The following ZNF106 variants were observed in gnomAD, a reference collection of about 807,000 sequenced individuals.
ZNF106 encodes the protein SH3-domain binding protein 3.
Under a neutral mutation model 195.1 loss-of-function variants are expected in ZNF106, and 67 were observed. The ratio of observed to expected loss-of-function variants is 0.34; its 90% CI spans 0.28 to 0.42. The LOEUF is 0.42. Among genes scored for constraint, ZNF106 ranks in the 10% least tolerant of loss-of-function variants. The pLI is 1.00. For missense variants in ZNF106, 2,118 were observed against 2,304.5 expected (o/e 0.92, Z 1.66); for synonymous variants, 784 against 818.6 (o/e 0.96, Z 0.72).
At chr15:42,426,932 C>A (rs1490178438) in intron 15 of ZNF106, among the ~76,000 whole-genome samples, 1 of 152,132 alleles carries the variant, frequency 6.6e-6, no homozygotes, top group Non-Finnish European at 1.5e-5. Context: ...TGATTATATA[C>A]GTGCTAAATT....
intron 15 of ZNF106, chr15:42,427,520 C>G (rs953753132): frequency 3.2e-5 from 5 of 154,306 alleles, no homozygotes; most frequent in African/African-American, 9.6e-5. Flanking sequence ...CCTCATGAAA[C>G]CCTAAACCAG....
intron 11 of ZNF106, 150 bp downstream of exon 11, chr15:42,438,883 G>C: frequency 1.0e-6 from 1 of 966,856 alleles, no homozygotes; most frequent in South Asian, 1.8e-5. Flanking sequence ...AATCTCTACT[G>C]CTGAGCTTTA....
intron 2 of ZNF106, among the ~76,000 whole-genome samples, chr15:42,467,945 G>A (rs1223465358): frequency 6.6e-6 from 1 of 152,042 alleles, no homozygotes; most frequent in Non-Finnish European, 1.5e-5. Flanking sequence ...CACACTGTAA[G>A]CATTTGGTGC....
intron 1 of ZNF106, among the ~76,000 whole-genome samples, chr15:42,484,534 G>C (rs1016327953): frequency 3.3e-5 from 5 of 152,232 alleles, no homozygotes; most frequent in Admixed American, 2.6e-4. Context: ...GGCTGAGGCA[G>C]TTCAAGACCA....
At position 42,417,957 on chromosome 15, in the gene ZNF106, G is replaced by A; in HGVS notation, c.5518-6C>T. ...ATCAGAGAGCAACCATGCCACTGGA[G>A]AGAAAGAAAATGAGGAGACTCGGTG... On this transcript the variant is annotated splice_polypyrimidine_tract_variant and splice_region_variant and intron_variant, in intron 20 of 21. Transcript: ENST00000564754. The A allele has an allele frequency of 1.2e-6, 2 of 1,610,570 alleles. No homozygotes were observed. The highest frequency in any genetic ancestry group is 1.7e-6 in the Non-Finnish European group (2 of 1,178,518).
chr15:42,421,316 T>C (rs1421101129), intron 19 of ZNF106, among the ~76,000 whole-genome samples, 184 bp from the exon 20 acceptor site: 1 of 152,218 alleles, frequency 6.6e-6, no homozygotes, highest in Non-Finnish European at 1.5e-5. Flanking sequence ...ATTTTGCAGC[T>C]GTGCTCCTTA....
chr15:42,459,914 A>C (rs1472979132), intron 3 of ZNF106, among the ~76,000 whole-genome samples: 1 of 151,320 alleles, frequency 6.6e-6, no homozygotes, highest in Non-Finnish European at 1.5e-5. Flanking sequence ...ATGGTGGCAC[A>C]CGCCTGTAAT....
chr15:42,440,998 AATATATATATAT>A lies in ZNF106; in HGVS notation c.3763+1063_3763+1074del, dbSNP rs56924955. Reference sequence around the variant, plus strand: ...AAACTCTGTCTAAAAAAAAAAAAAAAATATATATATATATATATATATATATATATATATATA... The same window carrying A: ...AAACTCTGTCTAAAAAAAAAAAAAAAATATATATATATATATATATATATA... On this transcript the variant is annotated intron_variant, in intron 10 of 21. Transcript: ENST00000564754. Among the ~76,000 whole-genome samples, 212 of 23,532 alleles carry A rather than the reference AATATATATATAT, an allele frequency of 9.0e-3. 3 individuals are homozygous for A. The highest frequency in any genetic ancestry group is 0.013 in the Admixed American group (18 of 1,356). 15.4% of individuals were successfully genotyped at this position (23,532 alleles called of 152,430 possible).
At chr15:42,477,181 G>A (rs2056803102) in intron 1 of ZNF106, among the ~76,000 whole-genome samples, 1 of 151,992 alleles carries the variant, frequency 6.6e-6, no homozygotes, top group Non-Finnish European at 1.5e-5. Flanking sequence ...TTCTACTGCT[G>A]TCTTTATTAC....
intron 3 of ZNF106, among the ~76,000 whole-genome samples, chr15:42,461,130 G>A (rs1439453469): frequency 3.3e-5 from 5 of 152,124 alleles, no homozygotes; most frequent in African/African-American, 4.8e-5. Flanking sequence ...AGTGTGTGTG[G>A]AGTAAGCATA....
At chr15:42,419,060 T>C (rs1349824644) in intron 20 of ZNF106, among the ~76,000 whole-genome samples, 1 of 109,680 alleles carries the variant, frequency 9.1e-6, no homozygotes, top group African/African-American at 4.0e-5. Flanking sequence ...ACCCTTTCTC[T>C]ACCAAAAAAA....
chr15:42,449,643 G>A, intron 5 of ZNF106, 128 bp downstream of exon 5: 1 of 1,256,536 alleles, frequency 8.0e-7, no homozygotes, highest in Non-Finnish European at 1.1e-6. Flanking sequence ...ATTAAATCAA[G>A]ACATCTACAA....
At position 42,442,163 on chromosome 15, in the gene ZNF106, C is replaced by G. The variant is rs1423462135; in HGVS notation, c.3673G>C (p.Glu1225Gln). 1 of 1,614,144 alleles carries G rather than the reference C, an allele frequency of 6.2e-7. No individual in the cohort carries two copies. The highest frequency in any genetic ancestry group is 1.1e-5 in the South Asian group (1 of 91,082). ...APDSSVQIKQ[E>Q]PMSPEQDENV... is the part of the protein sequence containing the mutation. ...TCATCTTGTTCAGGAGACATGGGCTCTTGTTTAATCTGAACTGATGAGTCT... is the reference window on the plus strand; with the variant it reads ...TCATCTTGTTCAGGAGACATGGGCTGTTGTTTAATCTGAACTGATGAGTCT... The change falls in exon 10 of 22, where the codon GAG becomes CAG. Residue 1225 changes from glutamate (E) to glutamine (Q), a missense_variant. By Grantham distance (29) the Glu-to-Gln change is conservative (BLOSUM62 2). Transcript: ENST00000564754.
chr15:42,452,965 G>A (rs1040242302), intron 4 of ZNF106, among the ~76,000 whole-genome samples: 3 of 151,842 alleles, frequency 2.0e-5, no homozygotes, highest in African/African-American at 7.3e-5. Context: ...GGATTACAGG[G>A]GTACAGGCTT....
chr15:42,451,119 A>T lies in ZNF106; in HGVS notation c.1153T>A (p.Ser385Thr). The change falls in exon 5 of 22, where the codon TCG (serine) becomes ACG (threonine). Residue 385 changes from serine (S) to threonine (T), a missense_variant. Coordinates refer to ENST00000564754, the MANE Select transcript of ZNF106 (RefSeq NM_001366845.3). ...YPSQKTLDLQSGLKDITGNKS... is the reference protein window; with the variant it reads ...YPSQKTLDLQTGLKDITGNKS... Reference sequence around the variant, plus strand: ...TTACCAGTGATGTCTTTCAATCCCGACTGTAAATCCAGAGTCTTCTGAGAA... The same window carrying T: ...TTACCAGTGATGTCTTTCAATCCCGTCTGTAAATCCAGAGTCTTCTGAGAA... The T allele has an allele frequency of 1.9e-6, 3 of 1,614,168 alleles. No individual in the cohort carries two copies. Among genetic ancestry groups the T allele is most frequent in the Non-Finnish European group, 2.5e-6 (3 of 1,180,040 alleles).
At chr15:42,440,080 T>C (rs780225572) in intron 10 of ZNF106, among the ~76,000 whole-genome samples, 1 of 152,238 alleles carries the variant, frequency 6.6e-6, no homozygotes, top group Non-Finnish European at 1.5e-5. Flanking sequence ...TCAATCTTTT[T>C]TCTTGTTTTA....
intron 1 of ZNF106, among the ~76,000 whole-genome samples, chr15:42,481,450 T>C (rs2056900020): frequency 6.8e-6 from 1 of 147,444 alleles, no homozygotes; most frequent in Admixed American, 6.9e-5. Flanking sequence ...CTCCACCTCC[T>C]GGGTTCAAGC....
At chr15:42,471,161 G>C (rs1162079424) in intron 2 of ZNF106, among the ~76,000 whole-genome samples, 1 of 152,138 alleles carries the variant, frequency 6.6e-6, no homozygotes, top group Non-Finnish European at 1.5e-5. Context: ...CTCTGTACAT[G>C]TTGTTCTCCT....
intron 1 of ZNF106, among the ~76,000 whole-genome samples, chr15:42,479,128 C>T (rs922968646): frequency 6.6e-6 from 1 of 152,152 alleles, no homozygotes. Context: ...AATCCCAGTA[C>T]TTTGGGAGGC....
Sources: gnomAD v4.1 joint callset for allele counts (sites outside exome capture counted in the v4.1 genomes callset) on GRCh38, gnomAD v4.1.1 for gene constraint, MANE v1.5 for transcripts, NCBI Gene and HGNC (gene_info 2026-07-23, HGNC 2026-07-21) for gene names.